TYRP1: variants seen among roughly 807,000 people sequenced by gnomAD.
TYRP1 encodes 5,6-dihydroxyindole-2-carboxylic acid oxidase.
TYRP1 carries 49 observed loss-of-function variants against 42.8 expected under a neutral mutation model. That is an observed-to-expected ratio of 1.14 (90% CI 0.91 to 1.45). The LOEUF (loss-of-function observed/expected upper bound fraction) is 1.45. Ranked by LOEUF, TYRP1 falls within the 40% of genes most tolerant of loss-of-function variation. The pLI is 0.00. For missense variants in TYRP1, 848 were observed against 662.0 expected (o/e 1.28, Z -3.08); for synonymous variants, 279 against 235.4 (o/e 1.19, Z -1.69).
At chr9:12,698,024 G>A (rs1168029712) in intron 3 of TYRP1, among the ~76,000 whole-genome samples, 4 of 152,098 alleles carry the variant, frequency 2.6e-5, no homozygotes, top group Admixed American at 6.6e-5. Context: ...CATATTTTAA[G>A]GCTGGATCTG....
chr9:12,694,138 G>A lies in TYRP1; in HGVS notation c.142G>A (p.Val48Met), dbSNP rs1818038307. The A allele has an allele frequency of 1.9e-6, 3 of 1,614,086 alleles. No homozygotes were observed. The highest frequency in any genetic ancestry group is 1.7e-6 in the Non-Finnish European group (2 of 1,180,020). Residue 48 changes from valine to methionine, a missense_variant, in exon 2 of 8, where the codon GTG becomes ATG. Transcript: ENST00000388918. ...TATGTGTTGCCCAGACCTGTCCCCT[G>A]TGTCTGGGCCTGGGACAGACCGCTG... ...SGMCCPDLSP[V>M]SGPGTDRCGS...
chr9:12,696,671 T>C (rs1392829421), intron 3 of TYRP1, among the ~76,000 whole-genome samples: 1 of 151,570 alleles, frequency 6.6e-6, no homozygotes, highest in African/African-American at 2.4e-5. Flanking sequence ...TTCAAACATA[T>C]TAAAGTATCT....
At chr9:12,705,148 T>C (rs1483179501) in intron 6 of TYRP1, among the ~76,000 whole-genome samples, 1 of 152,020 alleles carries the variant, frequency 6.6e-6, no homozygotes, top group Admixed American at 6.6e-5. Context: ...CCCTCACAAA[T>C]AGAAATTGTG....
At chr9:12,703,098 T>C (rs1384039483) in intron 5 of TYRP1, among the ~76,000 whole-genome samples, 1 of 151,982 alleles carries the variant, frequency 6.6e-6, no homozygotes, top group African/African-American at 2.4e-5. Flanking sequence ...AGTGTCTTTG[T>C]ATAATAAATT....
intron 5 of TYRP1, 133 bp from the exon 6 acceptor site, chr9:12,704,393 T>C (rs1818224160): frequency 2.4e-6 from 2 of 823,516 alleles, no homozygotes; most frequent in South Asian, 1.5e-5. Flanking sequence ...AGAGAAGCAG[T>C]GCTGTTATAT....
In TYRP1 at chr9:12,702,514, T is replaced by C; in HGVS notation, c.1081+76T>C. 3 of 1,442,854 alleles carry C rather than the reference T, an allele frequency of 2.1e-6. No individual in the cohort carries two copies. In the South Asian group the frequency reaches 3.6e-5, roughly 17 times the overall value. The allele number at this position is 1,442,854 out of a possible 1,614,324, so 89.4% of individuals were successfully genotyped here. On this transcript the variant is annotated intron_variant, in intron 5 of 7. Transcript: ENST00000388918. Reference sequence around the variant, plus strand: ...TGAATTATTCAAAAGCAAGTTTCTTTGAGAAGGCTTTGAATAGTATATTAA... The same window carrying C: ...TGAATTATTCAAAAGCAAGTTTCTTCGAGAAGGCTTTGAATAGTATATTAA...
chr9:12,702,066 A>G (rs1339259270), intron 4 of TYRP1, among the ~76,000 whole-genome samples: 1 of 151,980 alleles, frequency 6.6e-6, no homozygotes, highest in African/African-American at 2.4e-5. Context: ...ACTTTTATGT[A>G]TCTCATATCT....
chr9:12,700,038 A>G (rs1366464350), intron 4 of TYRP1: 1 of 152,142 alleles, frequency 6.6e-6, no homozygotes, highest in East Asian at 1.9e-4. Flanking sequence ...AAATATTTTT[A>G]AGATTATCCC....
chr9:12,700,485 CA>C (rs1315806773), intron 4 of TYRP1: 38 of 152,008 alleles, frequency 2.5e-4, no homozygotes, highest in African/African-American at 8.4e-4. Context: ...TCTTTATTCA[CA>C]GTACTTCTCA....
At chr9:12,694,428 G>T in intron 2 of TYRP1, 47 bp downstream of exon 2, 1 of 1,604,422 alleles carries the variant, frequency 6.2e-7, no homozygotes. Context: ...TGAGACTCAA[G>T]GCTCTTAATA....
chr9:12,698,911 T>C (rs982544283), intron 4 of TYRP1, among the ~76,000 whole-genome samples: 1 of 152,144 alleles, frequency 6.6e-6, no homozygotes, highest in African/African-American at 2.4e-5. Flanking sequence ...TCTTGCTAAC[T>C]TTCTTATTTT....
At position 12,704,745 on chromosome 9, in the gene TYRP1, C is replaced by T. The variant is rs188974830; in HGVS notation, c.1261+40C>T. The stretch of plus-strand genomic sequence containing the variant: ...TATGCCTTTTGCATGCTCAGCTGGG[C>T]GGATTGTTTAGATGGCATAGTTATC... On this transcript the variant is annotated intron_variant, in intron 6 of 7. Coordinates refer to ENST00000388918, the MANE Select transcript of TYRP1 (RefSeq NM_000550.3). The T allele has an allele frequency of 2.4e-4, 382 of 1,592,996 alleles. 5 individuals carry two copies. In the East Asian group the frequency reaches 7.9e-3, roughly 33 times the overall value.
intron 4 of TYRP1, among the ~76,000 whole-genome samples, chr9:12,699,072 G>T (rs1209005854): frequency 6.6e-6 from 1 of 152,064 alleles, no homozygotes; most frequent in African/African-American, 2.4e-5. Flanking sequence ...AGAAAAAAAA[G>T]AAAAGAAGCA....
At chr9:12,697,412 T>G (rs1278109687) in intron 3 of TYRP1, among the ~76,000 whole-genome samples, 1 of 152,108 alleles carries the variant, frequency 6.6e-6, no homozygotes, top group Non-Finnish European at 1.5e-5. Flanking sequence ...CTGTCACTAA[T>G]TTTTGTGAAC....
In TYRP1 at chr9:12,695,775, G is replaced by T; in HGVS notation, c.646G>T (p.Glu216Ter). Residue 216 changes from glutamate to a stop codon, truncating the protein, a stop_gained, in exon 3 of 8, where the codon GAG becomes TAG. Coordinates refer to ENST00000388918, the MANE Select transcript of TYRP1 (RefSeq NM_000550.3). LOFTEE classifies it high-confidence loss of function. The part of the protein sequence containing the change: ...ESFGEVDFSH[E>*]GPAFLTWHRY... ...CTTTGGTGAAGTGGATTTCTCTCATGAGGGACCAGCTTTTCTCACATGGCA... is the reference window on the plus strand; with the variant it reads ...CTTTGGTGAAGTGGATTTCTCTCATTAGGGACCAGCTTTTCTCACATGGCA... The T allele has an allele frequency of 2.5e-6, 4 of 1,614,148 alleles. 1 individual carries two copies. In the South Asian group the frequency reaches 4.4e-5, roughly 18 times the overall value.
At chr9:12,698,781 C>A in intron 4 of TYRP1, 126 bp downstream of exon 4, 2 of 915,248 alleles carry the variant, frequency 2.2e-6, no homozygotes, top group Non-Finnish European at 3.4e-6. Flanking sequence ...TATAGAGTAA[C>A]AGTGTACCAG....
In TYRP1 at chr9:12,710,139, CCTTCT is replaced by C. The variant is rs1818336679; in HGVS notation, c.*963_*967del. ...GGTTCTATATGAATGCTATTTTTTC[CCTTCT>C]CTTCTAACATGAAATATATTTTCTC... On this transcript the variant is annotated 3_prime_UTR_variant, in exon 8 of 8. Coordinates refer to ENST00000388918, the MANE Select transcript of TYRP1 (RefSeq NM_000550.3). 1 of 151,308 alleles carries C rather than the reference CCTTCT, an allele frequency of 6.6e-6. No individual in the cohort carries two copies. Among genetic ancestry groups the C allele is most frequent in the South Asian group, 2.1e-4 (1 of 4,808 alleles). 9.4% of individuals were successfully genotyped at this position (151,308 alleles called of 1,614,324 possible). A position where few individuals can be genotyped will look rare whatever the true frequency, so the allele number is the denominator to read the frequency against.
Position 12,709,298 on chromosome 9 carries a change from A to ATGT in TYRP1, c.*118_*120dup, listed in dbSNP as rs886811586. 1 of 1,096,828 alleles carries ATGT rather than the reference A, an allele frequency of 9.1e-7. No individual in the cohort carries two copies. The allele number at this position is 1,096,828 out of a possible 1,614,324, so 67.9% of individuals were successfully genotyped here. ...ATTACCTTCTTTCTAATACAAGCATATGTTAGCATTAAAGTTCTAGGCATA... is the reference window on the plus strand; with the variant it reads ...ATTACCTTCTTTCTAATACAAGCATATGTTGTTAGCATTAAAGTTCTAGGCATA... On this transcript the variant is annotated 3_prime_UTR_variant, in exon 8 of 8. Transcript: ENST00000388918.
chr9:12,696,023 T>C (rs1012836978), intron 3 of TYRP1, among the ~76,000 whole-genome samples, 186 bp downstream of exon 3: 2 of 152,200 alleles, frequency 1.3e-5, no homozygotes, highest in African/African-American at 4.8e-5. Flanking sequence ...ATCTTTATCT[T>C]GGTGAAGTGA....
Sources: allele counts gnomAD v4.1 joint callset (sites outside exome capture counted in the v4.1 genomes callset), GRCh38; gene constraint gnomAD v4.1.1; transcripts MANE v1.5; gene names NCBI Gene and HGNC (gene_info 2026-07-23, HGNC 2026-07-21).